LARGE1: variants seen among roughly 807,000 people sequenced by gnomAD.
LARGE1 encodes xylosyl- and glucuronyltransferase LARGE1.
In LARGE1, 43 loss-of-function variants were observed where a neutral mutation model predicts 87.6. That is an observed-to-expected ratio of 0.49 (90% CI 0.38 to 0.63). The LOEUF (loss-of-function observed/expected upper bound fraction) is 0.63, where lower values mean the gene tolerates loss of function less well. Among genes scored for constraint, LARGE1 ranks in the 30% least tolerant of loss-of-function variants. The probability of loss-of-function intolerance (pLI) is 0.00; values close to 1 mark genes in which losing one functional copy is unlikely to be tolerated. For synonymous variants in LARGE1, 434 were observed against 394.6 expected, an observed-to-expected ratio of 1.10 and a Z score of -1.18; for missense variants, 802 against 1,000.2, an observed-to-expected ratio of 0.80 and a Z score of 2.67.
chr22:33,237,577 A>C (rs990025732), intron 11 of LARGE1, among the ~76,000 whole-genome samples: 3 of 152,260 alleles, frequency 2.0e-5, no homozygotes, highest in Non-Finnish European at 4.4e-5. Flanking sequence ...CAAAGTAATA[A>C]GAAATAGAAA....
intron 2 of LARGE1, among the ~76,000 whole-genome samples, chr22:33,748,024 CAAA>C (rs535230421): frequency 5.3e-3 from 116 of 21,690 alleles, no homozygotes; most frequent in African/African-American, 0.012. Flanking sequence ...TCTGCTGGAG[CAAA>C]AAAAAAAAAA....
intron 11 of LARGE1, among the ~76,000 whole-genome samples, chr22:33,168,756 C>T (rs1922404649): frequency 6.6e-6 from 1 of 152,134 alleles, no homozygotes; most frequent in Non-Finnish European, 1.5e-5. Context: ...TCTTATGTTC[C>T]TGATCTTTGA....
chr22:33,389,783 T>C (rs941728344), intron 7 of LARGE1, among the ~76,000 whole-genome samples: 13 of 152,090 alleles, frequency 8.5e-5, no homozygotes, highest in Non-Finnish European at 1.5e-4. Flanking sequence ...AAGCACAGGT[T>C]GCAGTGAGCC....
chr22:33,208,471 TC>T (rs1362834084), intron 11 of LARGE1, among the ~76,000 whole-genome samples: 1 of 152,176 alleles, frequency 6.6e-6, no homozygotes, highest in African/African-American at 2.4e-5. Flanking sequence ...GTCACTGCAT[TC>T]CAAACTTTCC....
chr22:33,878,983 CCT>C (rs1491206718), intron 1 of LARGE1, among the ~76,000 whole-genome samples: 169 of 126,676 alleles, frequency 1.3e-3, no homozygotes, highest in Middle Eastern at 3.9e-3. Flanking sequence ...TCTTCTTCTT[CCT>C]TTTTTTTTTT....
intron 11 of LARGE1, among the ~76,000 whole-genome samples, chr22:33,246,127 A>T (rs1433810703): frequency 1.3e-5 from 2 of 152,170 alleles, no homozygotes; most frequent in African/African-American, 4.8e-5. Flanking sequence ...ACATCCAGTA[A>T]AGTTCTTTCC....
chr22:33,444,890 C>A (rs1008742896), intron 6 of LARGE1, among the ~76,000 whole-genome samples: 3 of 152,084 alleles, frequency 2.0e-5, no homozygotes, highest in Non-Finnish European at 4.4e-5. Flanking sequence ...AGTGCAGTGG[C>A]GCGATCTCGA....
intron 4 of LARGE1, among the ~76,000 whole-genome samples, chr22:33,606,862 C>G (rs1261466916): frequency 6.6e-6 from 1 of 152,128 alleles, no homozygotes; most frequent in Non-Finnish European, 1.5e-5. Flanking sequence ...AGGATCCTTT[C>G]CTGACTACCC....
rs761071115 is a variant in LARGE1, at chr22:33,650,492, G to T, written c.283C>A (p.Arg95=). ...GAGTAGGTCTTGGAGTGGTTGCCTCGGCGATGGGATGGGGCTCGGCCCTGG... is the reference window on the plus strand; with the variant it reads ...GAGTAGGTCTTGGAGTGGTTGCCTCTGCGATGGGATGGGGCTCGGCCCTGG... ...LAQGRAPSHR[R]GNHSKTYSME... Residue 95 remains arginine, a synonymous_variant, in exon 3 of 15, where the codon CGA becomes AGA. Transcript: ENST00000397394. The T allele has an allele frequency of 1.2e-6, 2 of 1,613,618 alleles. No individual in the cohort carries two copies. Among genetic ancestry groups the T allele is most frequent in the Admixed American group, 3.3e-5 (2 of 60,010 alleles).
chr22:33,659,397 T>C (rs915487288), intron 2 of LARGE1, among the ~76,000 whole-genome samples: 6 of 152,206 alleles, frequency 3.9e-5, no homozygotes, highest in Non-Finnish European at 1.5e-5. Context: ...AAAACTCAGT[T>C]TGATCTTAAA....
At chr22:33,174,227 G>T (rs1922737397) in intron 11 of LARGE1, among the ~76,000 whole-genome samples, 1 of 152,146 alleles carries the variant, frequency 6.6e-6, no homozygotes, top group South Asian at 2.1e-4. Context: ...TGAACAACCT[G>T]CTCTTGAATA....
chr22:33,796,767 C>A (rs1056297444), intron 1 of LARGE1, among the ~76,000 whole-genome samples: 1 of 106,100 alleles, frequency 9.4e-6, no homozygotes, highest in Non-Finnish European at 1.9e-5. Flanking sequence ...AAGACTTGGG[C>A]TTTTTTTTTT....
In LARGE1 at chr22:33,274,311, T is replaced by C. The variant is rs1928715962; in HGVS notation, c.*116A>G. ...GGGCAGCTTGGCTGGGCCAAAGAGATAAATAAAAACAAACCGAAAAAGCAT... is the reference window on the plus strand; with the variant it reads ...GGGCAGCTTGGCTGGGCCAAAGAGACAAATAAAAACAAACCGAAAAAGCAT... On this transcript the variant is annotated 3_prime_UTR_variant, in exon 15 of 15. Transcript: ENST00000397394. The C allele has an allele frequency of 8.8e-7, 1 of 1,131,416 alleles. No homozygotes were observed. Among genetic ancestry groups the C allele is most frequent in the Non-Finnish European group, 1.3e-6 (1 of 748,384 alleles). 70.1% of individuals were successfully genotyped at this position (1,131,416 alleles called of 1,614,324 possible).
chr22:33,791,446 T>G (rs1378802977), intron 1 of LARGE1, among the ~76,000 whole-genome samples: 2 of 152,194 alleles, frequency 1.3e-5, no homozygotes, highest in African/African-American at 4.8e-5. Context: ...TTTAATTATT[T>G]TCAGTCTTTT....
chr22:33,236,709 T>G (rs1926267618), intron 11 of LARGE1, among the ~76,000 whole-genome samples: 1 of 152,192 alleles, frequency 6.6e-6, no homozygotes. Context: ...AAGGTGTTGG[T>G]GGATGCTGCT....
At chr22:33,553,158 C>A (rs1444807051) in intron 6 of LARGE1, among the ~76,000 whole-genome samples, 2 of 152,174 alleles carry the variant, frequency 1.3e-5, no homozygotes, top group African/African-American at 4.8e-5. Context: ...TTAAGAACCT[C>A]TCCCATCCTG....
chr22:33,886,237 T>C (rs542991926), intron 1 of LARGE1, among the ~76,000 whole-genome samples: 9 of 152,232 alleles, frequency 5.9e-5, no homozygotes, highest in East Asian at 1.9e-4. Context: ...TCTCCTACAC[T>C]TGGGGACTCA....
At chr22:33,778,879 G>A (rs140460758) in intron 1 of LARGE1, among the ~76,000 whole-genome samples, 3 of 152,152 alleles carry the variant, frequency 2.0e-5, no homozygotes, top group East Asian at 1.9e-4. Flanking sequence ...TCGAACTCTC[G>A]ACCTCAGGTG....
rs115166780 is a variant in LARGE1 at position 33,895,439 on chromosome 22, C to A, written c.-83+24556G>T. Among the ~76,000 whole-genome samples the A allele has an allele frequency of 4.1e-3, 621 of 152,318 alleles. 6 individuals carry two copies. Among genetic ancestry groups the A allele is most frequent in the African/African-American group, 0.014 (569 of 41,560 alleles). ...ATTCATTATTTCACAGTTCCTATAG[C>A]TCAGTGTGAGCCTGGGCATGGCTTA... On this transcript the variant is annotated intron_variant, in intron 1 of 14. Transcript: ENST00000397394.
Sources: allele counts gnomAD v4.1 joint callset (sites outside exome capture counted in the v4.1 genomes callset), GRCh38; gene constraint gnomAD v4.1.1; transcripts MANE v1.5; gene names NCBI Gene and HGNC (gene_info 2026-07-23, HGNC 2026-07-21).